Variants in ADGRV1 observed in about 807,000 individuals in gnomAD.
ADGRV1 encodes the protein adhesion G protein-coupled receptor V1, also known as G-protein coupled receptor 98.
A neutral mutation model predicts 596.2 loss-of-function variants in ADGRV1; 359 were observed. The ratio of observed to expected loss-of-function variants is 0.60; its 90% CI spans 0.55 to 0.66. The LOEUF (loss-of-function observed/expected upper bound fraction) is 0.66, where lower values mean the gene tolerates loss of function less well. Ranked by LOEUF, ADGRV1 falls within the 30% of genes least tolerant of loss-of-function variation. The pLI, the probability that ADGRV1 is intolerant of heterozygous loss-of-function variation, is 0.00. For synonymous variants in ADGRV1, 2,681 were observed against 2,679.2 expected, an observed-to-expected ratio of 1.00 and a Z score of -0.02; for missense variants, 7,274 against 7,575.6, an observed-to-expected ratio of 0.96 and a Z score of 1.48.
intron 19 of ADGRV1, 138 bp downstream of exon 19, chr5:90,652,701 G>T: frequency 1.7e-6 from 1 of 599,198 alleles, no homozygotes; most frequent in Non-Finnish European, 2.8e-6. Context: ...GATTTTAAAT[G>T]TTAAAATACC....
rs777578222 is a variant in ADGRV1 at position 90,811,188 on chromosome 5, C to T, written c.15928C>T (p.Arg5310Cys). The change falls in exon 74 of 90, where the codon CGT (arginine) becomes TGT (cysteine). Residue 5310 changes from arginine to cysteine, a missense_variant. This residue lies in a region of ADGRV1 where 1,874 missense variants were observed against 1,970.2 expected (regional missense o/e 0.95). Transcript: ENST00000405460. ...TATATTCCTAGATGGAGAAAGAGAA[C>T]GTAAAGTATCAGTTCAAATTTTGGA... is the stretch of plus-strand genomic sequence containing the variant. ...TLIFLDGERE[R>C]KVSVQILDDD... 8 of 1,613,286 alleles carry T rather than the reference C, an allele frequency of 5.0e-6. No individual in the cohort carries two copies. In the Admixed American group the frequency reaches 1.0e-4, roughly 20 times the overall value.
At chr5:90,673,967 A>G in intron 22 of ADGRV1, 87 bp from the exon 23 acceptor site, 2 of 879,350 alleles carry the variant, frequency 2.3e-6, no homozygotes, top group South Asian at 1.8e-5. Context: ...TCATTTAAAT[A>G]TAATTTAGTT....
chr5:90,821,770 C>T (rs896178034), intron 75 of ADGRV1, among the ~76,000 whole-genome samples: 30 of 151,956 alleles, frequency 2.0e-4, no homozygotes, highest in African/African-American at 5.6e-4. Flanking sequence ...GCAGTCTGCC[C>T]GTTCTCAGAT....
chr5:90,896,848 C>T (rs1771371636), intron 83 of ADGRV1, among the ~76,000 whole-genome samples: 1 of 152,232 alleles, frequency 6.6e-6, no homozygotes, highest in South Asian at 2.1e-4. Flanking sequence ...ACTCCTTGTG[C>T]CTGCACCAGC....
intron 58 of ADGRV1, among the ~76,000 whole-genome samples, chr5:90,760,908 T>C (rs1756446712): frequency 6.6e-6 from 1 of 152,224 alleles, no homozygotes; most frequent in African/African-American, 2.4e-5. Context: ...TGTTATTACA[T>C]GATAACTATG....
intron 9 of ADGRV1, among the ~76,000 whole-genome samples, chr5:90,634,704 T>C (rs1043380787): frequency 1.3e-5 from 2 of 152,172 alleles, no homozygotes; most frequent in Non-Finnish European, 2.9e-5. Context: ...GTGGTGGCAC[T>C]GCTGATGATA....
intron 28 of ADGRV1, among the ~76,000 whole-genome samples, chr5:90,684,633 C>T (rs151206001): frequency 1.3e-5 from 2 of 152,250 alleles, no homozygotes; most frequent in African/African-American, 4.8e-5. Context: ...GGTCTGCTTC[C>T]TGGGCCTTGT....
At chr5:90,752,245 T>C (rs1251488068) in intron 53 of ADGRV1, among the ~76,000 whole-genome samples, 2 of 152,214 alleles carry the variant, frequency 1.3e-5, no homozygotes. Flanking sequence ...GGTTTGGCCA[T>C]TGGGCAGTAG....
intron 43 of ADGRV1, among the ~76,000 whole-genome samples, chr5:90,718,790 G>GTT (rs1305997632): frequency 2.7e-5 from 4 of 148,482 alleles, no homozygotes; most frequent in African/African-American, 9.9e-5. Context: ...CAAATTTGTT[G>GTT]TTTTTTTTTA....
rs773412258 is a variant in ADGRV1, at chr5:90,706,333, T to C, written c.8669T>C (p.Ile2890Thr). 1.2e-6 allele frequency: 2 copies of C among 1,612,986 alleles called. No homozygotes were observed. Among genetic ancestry groups the C allele is most frequent in the African/African-American group, 1.3e-5 (1 of 74,862 alleles). The change falls in exon 38 of 90, where the codon ATT becomes ACT. Residue 2890 changes from isoleucine to threonine, a missense_variant. This residue lies in a region of ADGRV1 where 3,643 missense variants were observed against 3,809.2 expected (regional missense o/e 0.96). Transcript: ENST00000405460. ...AEPEVDFVPIIGFLILEEGET... is the reference protein window; with the variant it reads ...AEPEVDFVPITGFLILEEGET... Reference sequence around the variant, plus strand: ...CCAGAAGTTGATTTTGTCCCTATCATTGGCTTTCTGATTTTAGAAGAAGGG... The same window carrying C: ...CCAGAAGTTGATTTTGTCCCTATCACTGGCTTTCTGATTTTAGAAGAAGGG...
intron 83 of ADGRV1, among the ~76,000 whole-genome samples, chr5:90,926,849 G>A (rs1774532886): frequency 6.6e-6 from 1 of 151,786 alleles, no homozygotes; most frequent in African/African-American, 2.4e-5. Context: ...GTTCTCATTG[G>A]TTTCAAAGAA....
chr5:90,834,912 TTCTC>T (rs1441771493), intron 77 of ADGRV1, among the ~76,000 whole-genome samples: 2 of 151,354 alleles, frequency 1.3e-5, no homozygotes, highest in Admixed American at 6.6e-5. Flanking sequence ...TTCTTTTTCT[TTCTC>T]TTTCCTTCTT....
intron 25 of ADGRV1, among the ~76,000 whole-genome samples, chr5:90,677,167 A>G (rs1393411872): frequency 6.6e-6 from 1 of 152,218 alleles, no homozygotes; most frequent in African/African-American, 2.4e-5. Flanking sequence ...TATTATTTTG[A>G]TGAAGAAAGC....
intron 16 of ADGRV1, 138 bp downstream of exon 16, chr5:90,646,229 TC>T (rs1767740394): frequency 2.7e-6 from 1 of 374,582 alleles, no homozygotes; most frequent in Non-Finnish European, 4.4e-6. Context: ...GCAATTTTTT[TC>T]ATTGAACATT....
intron 85 of ADGRV1, among the ~76,000 whole-genome samples, chr5:91,037,378 G>A (rs985862231): frequency 1.3e-5 from 2 of 152,126 alleles, no homozygotes; most frequent in Non-Finnish European, 2.9e-5. Flanking sequence ...AATGAAAGCT[G>A]TCAGTGCCTT....
At chr5:90,699,538 A>G (rs1373942831) in intron 34 of ADGRV1, among the ~76,000 whole-genome samples, 1 of 152,182 alleles carries the variant, frequency 6.6e-6, no homozygotes, top group Non-Finnish European at 1.5e-5. Flanking sequence ...CTAGGCATGC[A>G]CTTTTCAGCA....
chr5:90,614,808 A>T (rs780216213), intron 1 of ADGRV1, 27 bp from the exon 2 acceptor site: 101 of 1,478,758 alleles, frequency 6.8e-5, no homozygotes, highest in Non-Finnish European at 9.5e-5. Context: ...ATATTTTGTG[A>T]ATAATATTTT....
At chr5:90,788,339 A>G (rs746536199) in intron 68 of ADGRV1, 29 bp downstream of exon 68, 3 of 1,568,876 alleles carry the variant, frequency 1.9e-6, no homozygotes, top group Non-Finnish European at 2.6e-6. Flanking sequence ...TTCTCACAAA[A>G]TGTGGATTTC....
chr5:90,815,111 G>C (rs1234262917), intron 74 of ADGRV1, among the ~76,000 whole-genome samples: 1 of 152,020 alleles, frequency 6.6e-6, no homozygotes, highest in African/African-American at 2.4e-5. Flanking sequence ...TAGCTTCATG[G>C]ATAGCATAGA....
Sources: allele counts gnomAD v4.1 joint callset (sites outside exome capture counted in the v4.1 genomes callset), GRCh38; gene constraint gnomAD v4.1.1; regional missense constraint gnomAD v4.1.1; transcripts MANE v1.5; gene names NCBI Gene and HGNC (gene_info 2026-07-23, HGNC 2026-07-21).